The following NWD2 variants were observed in gnomAD, a reference collection of about 807,000 sequenced individuals.
The protein encoded by NWD2 is NACHT and WD repeat domain containing 2, also known as NACHT and WD repeat domain-containing protein 2.
Under a neutral mutation model 132.7 loss-of-function variants are expected in NWD2, and 37 were observed. The ratio of observed to expected loss-of-function variants is 0.28; its 90% confidence interval spans 0.21 to 0.37. NWD2 has a LOEUF of 0.37. Among genes scored for constraint, NWD2 ranks in the 10% least tolerant of loss-of-function variants. The probability of loss-of-function intolerance (pLI) is 1.00; values close to 1 mark genes in which losing one functional copy is unlikely to be tolerated. For synonymous variants in NWD2, 705 were observed against 803.0 expected (o/e 0.88, Z 2.06); for missense variants, 1,592 against 2,122.4 (o/e 0.75, Z 4.91).
chr4:37,396,434 A>G (rs1012363003), intron 3 of NWD2, among the ~76,000 whole-genome samples: 1 of 152,188 alleles, frequency 6.6e-6, no homozygotes, highest in African/African-American at 2.4e-5. Context: ...CTCTGGAAGC[A>G]CAGGCTACCT....
chr4:37,271,383 A>G (rs896173904), intron 1 of NWD2, among the ~76,000 whole-genome samples: 9 of 151,882 alleles, frequency 5.9e-5, no homozygotes, highest in Non-Finnish European at 1.2e-4. Context: ...GGATATCTGA[A>G]CAGTGTATTG....
At position 37,409,797 on chromosome 4, in the gene NWD2, C is replaced by A. The variant is rs1291100097; in HGVS notation, c.358-20775C>A. 2.0e-5 allele frequency among the ~76,000 whole-genome samples: 3 copies of A among 152,344 alleles called. 1 individual carries two copies. The South Asian group carries it at 6.2e-4, about 32-fold the overall frequency. On this transcript the variant is annotated intron_variant, in intron 3 of 6. Transcript: ENST00000309447. ...CACAAAGGGAAGCCCATCAGACTAACAGCAGATCTCTCTGCAGAAAGCCTA... is the reference window on the plus strand; with the variant it reads ...CACAAAGGGAAGCCCATCAGACTAAAAGCAGATCTCTCTGCAGAAAGCCTA...
At chr4:37,326,084 C>T (rs773234500) in intron 2 of NWD2, 60 bp downstream of exon 2, 3 of 1,078,804 alleles carry the variant, frequency 2.8e-6, no homozygotes, top group South Asian at 3.0e-5. Context: ...GTGTTTGTTT[C>T]TTGTCACAAC....
chr4:37,317,772 A>T (rs1400545839), intron 1 of NWD2, among the ~76,000 whole-genome samples: 1 of 152,210 alleles, frequency 6.6e-6, no homozygotes, highest in African/African-American at 2.4e-5. Flanking sequence ...TGACAATGCC[A>T]TACTCCATCA....
chr4:37,355,034 T>G (rs182487688), intron 2 of NWD2, among the ~76,000 whole-genome samples: 301 of 152,292 alleles, frequency 2.0e-3, no homozygotes, highest in South Asian at 4.4e-3. Flanking sequence ...TGGAACTTAT[T>G]ATGATGTGAA....
At chr4:37,310,834 C>G (rs28499031) in intron 1 of NWD2, among the ~76,000 whole-genome samples, 3,430 of 133,238 alleles carry the variant, frequency 0.026, 151 homozygotes, top group African/African-American at 0.092. Flanking sequence ...CTTCCTGTGT[C>G]CATGTGTTCT....
intron 3 of NWD2, among the ~76,000 whole-genome samples, chr4:37,380,878 G>C (rs1720439233): frequency 6.6e-6 from 1 of 152,164 alleles, no homozygotes; most frequent in Non-Finnish European, 1.5e-5. Flanking sequence ...CCCCAGTCTT[G>C]ATGGAGCCCA....
chr4:37,429,119 A>C (rs962713455), intron 3 of NWD2, among the ~76,000 whole-genome samples: 3 of 152,182 alleles, frequency 2.0e-5, no homozygotes, highest in African/African-American at 7.2e-5. Flanking sequence ...GGTTTTTAAT[A>C]AAAAATAATA....
chr4:37,340,876 A>G (rs1426049392), intron 2 of NWD2, among the ~76,000 whole-genome samples: 5 of 152,208 alleles, frequency 3.3e-5, no homozygotes, highest in Non-Finnish European at 7.3e-5. Flanking sequence ...AGGTAAGGAA[A>G]CTTAGAAATA....
At chr4:37,293,199 A>G (rs1031629743) in intron 1 of NWD2, among the ~76,000 whole-genome samples, 7 of 152,154 alleles carry the variant, frequency 4.6e-5, no homozygotes, top group African/African-American at 7.2e-5. Flanking sequence ...GTCAAAATCA[A>G]TCTCAACCTC....
At chr4:37,267,696 T>G (rs1458785129) in intron 1 of NWD2, among the ~76,000 whole-genome samples, 4 of 151,930 alleles carry the variant, frequency 2.6e-5, no homozygotes, top group Non-Finnish European at 5.9e-5. Flanking sequence ...AATGTGTTCT[T>G]TAAGACAAAA....
In NWD2 at chr4:37,345,846, C is replaced by T. The variant is rs113799753; in HGVS notation, c.241-10520C>T. On this transcript the variant is annotated intron_variant, in intron 2 of 6. Coordinates refer to ENST00000309447, the MANE Select transcript of NWD2 (RefSeq NM_001144990.2). ...CCTGTAATCGAGCACTTTGGGAAGC[C>T]GAGGCAGGTGGATCACCTGAGGTTA... Among the ~76,000 whole-genome samples the T allele has an allele frequency of 2.5e-3, 378 of 152,082 alleles. 3 individuals are homozygous for T. The highest frequency in any genetic ancestry group is 8.8e-3 in the African/African-American group (366 of 41,476).
chr4:37,364,975 G>C (rs1023137360), intron 3 of NWD2, among the ~76,000 whole-genome samples: 1 of 152,162 alleles, frequency 6.6e-6, no homozygotes, highest in African/African-American at 2.4e-5. Context: ...ACAAGACAAA[G>C]TGTGTAGCTG....
At chr4:37,358,650 T>TA (rs1053827169) in intron 3 of NWD2, among the ~76,000 whole-genome samples, 1 of 152,146 alleles carries the variant, frequency 6.6e-6, no homozygotes, top group Non-Finnish European at 1.5e-5. Flanking sequence ...TTTTTGTCTG[T>TA]AAAATGGAAG....
Position 37,443,424 on chromosome 4 carries a change from G to T in NWD2, c.1436G>T (p.Arg479Leu). Reference sequence around the variant, plus strand: ...TGTGAACAATTGGCAGTTAACTACCGGTGTCTGGTTCAAAGCTACCCTAAG... The same window carrying T: ...TGTGAACAATTGGCAGTTAACTACCTGTGTCTGGTTCAAAGCTACCCTAAG... ...SVCEQLAVNY[R>L]CLVQSYPKKI... The change falls in exon 7 of 7, where the codon CGG becomes CTG. Residue 479 changes from arginine to leucine, a missense_variant. Coordinates refer to ENST00000309447, the MANE Select transcript of NWD2 (RefSeq NM_001144990.2). This position sits in a 1 kb window ranked among gnomAD's most constrained non-coding sequence, Gnocchi z 4.1. The T allele has an allele frequency of 6.4e-7, 1 of 1,552,116 alleles. No individual in the cohort carries two copies. Among genetic ancestry groups the T allele is most frequent in the Non-Finnish European group, 8.7e-7 (1 of 1,147,100 alleles).
intron 5 of NWD2, among the ~76,000 whole-genome samples, chr4:37,436,626 A>G (rs564586856): frequency 6.6e-6 from 1 of 152,162 alleles, no homozygotes; most frequent in Non-Finnish European, 1.5e-5. Flanking sequence ...GTGGCAGAGC[A>G]TATCTCTGAT....
intron 1 of NWD2, among the ~76,000 whole-genome samples, chr4:37,255,765 G>C (rs1234202785): frequency 6.6e-6 from 1 of 152,140 alleles, no homozygotes; most frequent in African/African-American, 2.4e-5. Context: ...CCCAAGGCCA[G>C]AACTGCAGCC....
chr4:37,314,755 T>A (rs1472364735), intron 1 of NWD2, among the ~76,000 whole-genome samples: 18 of 152,156 alleles, frequency 1.2e-4, no homozygotes, highest in Non-Finnish European at 2.6e-4. Context: ...TCAGTTTTCT[T>A]TTATTGTTTC....
At chr4:37,264,585 A>G (rs1372739863) in intron 1 of NWD2, among the ~76,000 whole-genome samples, 1 of 152,116 alleles carries the variant, frequency 6.6e-6, no homozygotes, top group Admixed American at 6.6e-5. Context: ...ATAGCGCTAT[A>G]AAATTCCCTG....
Sources: gnomAD v4.1 joint callset for allele counts (sites outside exome capture counted in the v4.1 genomes callset) on GRCh38, gnomAD v4.1.1 for gene constraint, Gnocchi (gnomAD v3.1) non-coding constraint, MANE v1.5 for transcripts, NCBI Gene and HGNC (gene_info 2026-07-23, HGNC 2026-07-21) for gene names.